GATA4: variants seen among roughly 807,000 people sequenced by gnomAD.
GATA4 encodes GATA binding protein 4.
GATA4 carries 7 observed loss-of-function variants against 37.9 expected under a neutral mutation model. That is an observed-to-expected ratio of 0.18 (90% CI 0.11 to 0.35). GATA4 has a LOEUF of 0.35. Among genes scored for constraint, GATA4 ranks in the 10% least tolerant of loss-of-function variants. The probability of loss-of-function intolerance (pLI) is 1.00; values close to 1 mark genes in which losing one functional copy is unlikely to be tolerated. For synonymous variants in GATA4, 372 were observed against 292.6 expected, an observed-to-expected ratio of 1.27 and a Z score of -2.77; for missense variants, 647 against 653.0, an observed-to-expected ratio of 0.99 and a Z score of 0.10.
intron 1 of GATA4, among the ~76,000 whole-genome samples, chr8:11,677,784 C>A (rs566463541): frequency 1.2e-4 from 19 of 152,152 alleles, no homozygotes; most frequent in Admixed American, 3.3e-4. Context: ...TATTCTGGAG[C>A]CAGACCTGAG....
At chr8:11,747,204 A>G (rs1802075078) in intron 2 of GATA4, among the ~76,000 whole-genome samples, 1 of 152,260 alleles carries the variant, frequency 6.6e-6, no homozygotes, top group Non-Finnish European at 1.5e-5. Flanking sequence ...GTTTTGGGAC[A>G]GCAAATTAGG....
intron 2 of GATA4, among the ~76,000 whole-genome samples, chr8:11,741,553 G>A (rs1801741934): frequency 6.6e-6 from 1 of 152,130 alleles, no homozygotes; most frequent in African/African-American, 2.4e-5. Context: ...TAGCTCTATG[G>A]CATTGTGATT....
chr8:11,740,194 G>A (rs1186655142), intron 2 of GATA4, among the ~76,000 whole-genome samples: 2 of 152,186 alleles, frequency 1.3e-5, no homozygotes, highest in Non-Finnish European at 2.9e-5. Flanking sequence ...GCTGCGTGTG[G>A]CTTTTCTGGA....
At chr8:11,728,998 C>T (rs7840794) in intron 2 of GATA4, among the ~76,000 whole-genome samples, 19,071 of 151,400 alleles carry the variant, frequency 0.13, 1,662 homozygotes, top group African/African-American at 0.25. Context: ...TTCGGGAGGT[C>T]GAGGTGGGAG....
At chr8:11,693,060 C>T (rs1799373836) in intron 1 of GATA4, 7 of 985,412 alleles carry the variant, frequency 7.1e-6, no homozygotes, top group Non-Finnish European at 8.4e-6. Flanking sequence ...AGTGGGCCGG[C>T]AGCGTTTTTC....
chr8:11,753,277 C>G (rs1221386960), intron 4 of GATA4, among the ~76,000 whole-genome samples: 1 of 152,002 alleles, frequency 6.6e-6, no homozygotes, highest in African/African-American at 2.4e-5. Context: ...TCCATAGAGA[C>G]AGAAAGTAGA....
At position 11,750,192 on chromosome 8, in the gene GATA4, G is replaced by A. The variant is rs895198693; in HGVS notation, c.868G>A (p.Glu290Lys). ...TTLWRRNAEG[E>K]PVCNACGLYM... ...GCTGTGGCGCCGCAATGCGGAGGGCGAGCCTGTGTGCAATGCCTGCGGCCT... is the reference window on the plus strand; with the variant it reads ...GCTGTGGCGCCGCAATGCGGAGGGCAAGCCTGTGTGCAATGCCTGCGGCCT... Residue 290 changes from glutamate to lysine, a missense_variant, in exon 4 of 7, where the codon GAG becomes AAG. Physicochemically the swap from Glu to Lys is moderately conservative, Grantham distance 56 (BLOSUM62 1). Around this residue, in one of 5 missense-constraint regions of GATA4, gnomAD observed 21 missense variants for 62.6 expected, o/e 0.34. Transcript: ENST00000532059. 2.5e-6 allele frequency: 4 copies of A among 1,613,516 alleles called. No individual in the cohort carries two copies. Among genetic ancestry groups the A allele is most frequent in the African/African-American group, 1.3e-5 (1 of 74,952 alleles).
chr8:11,741,972 G>A (rs1436862166), intron 2 of GATA4, among the ~76,000 whole-genome samples: 1 of 152,126 alleles, frequency 6.6e-6, no homozygotes, highest in African/African-American at 2.4e-5. Flanking sequence ...GAGACTGACT[G>A]CCCAGCCTGG....
Position 11,756,946 on chromosome 8 carries a change from A to G in GATA4, c.1012A>G (p.Ser338Gly). The G allele has an allele frequency of 1.2e-6, 2 of 1,614,138 alleles. No homozygotes were observed. Among genetic ancestry groups the G allele is most frequent in the Non-Finnish European group, 1.7e-6 (2 of 1,179,974 alleles). Reference protein sequence around the residue: ...KSKTPAAPSGSESLPPASGAS... With the variant: ...KSKTPAAPSGGESLPPASGAS... The stretch of plus-strand genomic sequence containing the variant: ...CTGCTTCATTCCAGCTCCTTCAGGC[A>G]GTGAGAGCCTTCCTCCCGCCAGCGG... The change falls in exon 6 of 7, where the codon AGT (serine) becomes GGT (glycine). Residue 338 changes from serine to glycine, a missense_variant. Transcript: ENST00000532059.
intron 2 of GATA4, among the ~76,000 whole-genome samples, chr8:11,711,827 A>G (rs761759862): frequency 4.0e-5 from 6 of 150,680 alleles, no homozygotes; most frequent in Non-Finnish European, 8.8e-5. Context: ...GGGCTCTCCT[A>G]CCTGCCTGGC....
chr8:11,755,351 G>C (rs1268776572), intron 5 of GATA4, among the ~76,000 whole-genome samples: 1 of 152,200 alleles, frequency 6.6e-6, no homozygotes, highest in Admixed American at 6.5e-5. Flanking sequence ...CTCAACTCAA[G>C]CTGGGGCCTG....
At chr8:11,723,836 C>T (rs1317327765) in intron 2 of GATA4, among the ~76,000 whole-genome samples, 1 of 152,086 alleles carries the variant, frequency 6.6e-6, no homozygotes, top group Non-Finnish European at 1.5e-5. Context: ...TAAAATGTAC[C>T]GTTTTAGCCA....
intron 2 of GATA4, among the ~76,000 whole-genome samples, chr8:11,724,499 A>G (rs903338749): frequency 1.3e-5 from 2 of 152,164 alleles, no homozygotes; most frequent in Non-Finnish European, 2.9e-5. Flanking sequence ...CATTTTCTGT[A>G]TGTCATAACA....
rs150283582 is a variant in GATA4, at chr8:11,754,733, A to G, written c.913-313A>G. 1.4e-3 allele frequency among the ~76,000 whole-genome samples: 218 copies of G among 152,142 alleles called. 1 individual carries two copies. Among genetic ancestry groups the G allele is most frequent in the African/African-American group, 5.2e-3 (214 of 41,492 alleles). On this transcript the variant is annotated intron_variant, in intron 4 of 6. Coordinates refer to ENST00000532059, the MANE Select transcript of GATA4 (RefSeq NM_001308093.3). ...GTTTAGTGTTTCTCTGTCTTTTTACATCACCGACCAGAGTCTGGTTATTTC... is the reference window on the plus strand; with the variant it reads ...GTTTAGTGTTTCTCTGTCTTTTTACGTCACCGACCAGAGTCTGGTTATTTC...
intron 1 of GATA4, chr8:11,697,767 C>G (rs986266106): frequency 7.1e-6 from 7 of 985,442 alleles, no homozygotes; most frequent in Non-Finnish European, 8.4e-6. Context: ...CCTGCCTGGG[C>G]GTCTTCTCCA....
In GATA4 at chr8:11,709,341, G is replaced by T. The variant is rs1800056694; in HGVS notation, c.616+413G>T. 6.6e-6 allele frequency among the ~76,000 whole-genome samples: 1 copy of T among 152,214 alleles called. No homozygotes were observed. Among genetic ancestry groups the T allele is most frequent in the Admixed American group, 6.5e-5 (1 of 15,292 alleles). On this transcript the variant is annotated intron_variant, in intron 2 of 6. Transcript: ENST00000532059. The surrounding 1 kb of genome is among the most constrained non-coding windows in gnomAD (Gnocchi z 4.3). ...TTCTGCGCCCCTTTCCTCCCCGCCC[G>T]CCCTCGGGCCTCCGCAGGGAACTGA...
chr8:11,723,790 T>A (rs1800786017), intron 2 of GATA4, among the ~76,000 whole-genome samples: 1 of 152,220 alleles, frequency 6.6e-6, no homozygotes, highest in Non-Finnish European at 1.5e-5. Context: ...GCTTCATTCA[T>A]CTTTTTAAAA....
At chr8:11,696,926 AC>A (rs1409504708) in intron 1 of GATA4, among the ~76,000 whole-genome samples, 1 of 152,210 alleles carries the variant, frequency 6.6e-6, no homozygotes, top group Non-Finnish European at 1.5e-5. Flanking sequence ...GGCCCCTGGA[AC>A]TGGGCATCTG....
intron 1 of GATA4, chr8:11,692,669 G>T (rs1167789885): frequency 1.0e-6 from 1 of 985,090 alleles, no homozygotes; most frequent in African/African-American, 1.7e-5. Flanking sequence ...GGGTGCGTGC[G>T]GGGGTGCGGG....
Sources: gnomAD v4.1 joint callset for allele counts (sites outside exome capture counted in the v4.1 genomes callset) on GRCh38, gnomAD v4.1.1 for gene constraint, gnomAD v4.1.1 regional missense constraint, Gnocchi (gnomAD v3.1) non-coding constraint, MANE v1.5 for transcripts, NCBI Gene and HGNC (gene_info 2026-07-23, HGNC 2026-07-21) for gene names.